The following PDGFA variants were observed in gnomAD, a reference collection of about 807,000 sequenced individuals.
PDGFA encodes platelet derived growth factor subunit A.
PDGFA carries 9 observed loss-of-function variants against 25.6 expected under a neutral mutation model. That is an observed-to-expected ratio of 0.35 (90% confidence interval 0.21 to 0.61). The LOEUF (loss-of-function observed/expected upper bound fraction) is 0.61. PDGFA is among the 20% of genes least tolerant of loss of function. The pLI, the probability that PDGFA is intolerant of heterozygous loss-of-function variation, is 0.75. For missense variants in PDGFA, 242 were observed against 272.8 expected (o/e 0.89, Z 0.79); for synonymous variants, 133 against 111.8 (o/e 1.19, Z -1.20).
rs1187937584 is a variant in PDGFA, at chr7:517,051, C to T, written c.160+343G>A. Among the ~76,000 whole-genome samples, 1 of 151,312 alleles carries T rather than the reference C, an allele frequency of 6.6e-6. No homozygotes were observed. Among genetic ancestry groups the T allele is most frequent in the Admixed American group, 6.6e-5 (1 of 15,182 alleles). On this transcript the variant is annotated intron_variant, in intron 2 of 5. Coordinates refer to ENST00000402802, the Ensembl canonical transcript of PDGFA. The surrounding 1 kb of genome is among the most constrained non-coding windows in gnomAD (Gnocchi z 7.4). ...CCGGCGCACGGGCCAGGGCTCTGCGCCCAGGGTCTGGGCCGGATCCTGCCG... is the reference window on the plus strand; with the variant it reads ...CCGGCGCACGGGCCAGGGCTCTGCGTCCAGGGTCTGGGCCGGATCCTGCCG...
rs1783254523 is a variant in PDGFA, at chr7:519,262, G to A, written c.-261C>T. 7.9e-6 allele frequency: 3 copies of A among 377,766 alleles called. 1 individual carries two copies. Among genetic ancestry groups the A allele is most frequent in the Non-Finnish European group, 1.4e-5 (3 of 210,734 alleles). 23.4% of individuals were successfully genotyped at this position (377,766 alleles called of 1,614,324 possible). On this transcript the variant is annotated 5_prime_UTR_variant, in exon 1 of 6. Transcript: ENST00000402802. ...GAGCCTCCTGGGCCGCCGGGTAGGG[G>A]GTGGGGACGGAAGGGGCGGAGGGCG... is the stretch of plus-strand genomic sequence containing the variant.
In PDGFA at chr7:517,945, C is replaced by T. The variant is rs1426106698; in HGVS notation, c.64-455G>A. On this transcript the variant is annotated intron_variant, in intron 1 of 5. Coordinates refer to ENST00000402802, the Ensembl canonical transcript of PDGFA. The surrounding 1 kb of genome is among the most constrained non-coding windows in gnomAD (Gnocchi z 7.4). Reference sequence around the variant, plus strand: ...TAATCCAGGCAGGGCTTAAATTTCACGCCCCGGAATCCCGGGCCGAACCCG... The same window carrying T: ...TAATCCAGGCAGGGCTTAAATTTCATGCCCCGGAATCCCGGGCCGAACCCG... 1.3e-5 allele frequency among the ~76,000 whole-genome samples: 2 copies of T among 152,178 alleles called. No individual in the cohort carries two copies. Among genetic ancestry groups the T allele is most frequent in the African/African-American group, 4.8e-5 (2 of 41,452 alleles).
intron 4 of PDGFA, among the ~76,000 whole-genome samples, chr7:507,863 AG>A (rs1782627752): frequency 6.6e-6 from 1 of 152,102 alleles, no homozygotes; most frequent in Non-Finnish European, 1.5e-5. Flanking sequence ...GGCCTGAGTT[AG>A]GCCCTCCCCT....
intron 4 of PDGFA, among the ~76,000 whole-genome samples, chr7:509,804 C>T (rs1782718242): frequency 6.6e-6 from 1 of 152,176 alleles, no homozygotes; most frequent in African/African-American, 2.4e-5. Context: ...ACATTTGTTG[C>T]TAATCAGCTC....
chr7:511,469 A>G (rs1374533823), intron 3 of PDGFA, among the ~76,000 whole-genome samples: 1 of 149,784 alleles, frequency 6.7e-6, no homozygotes, highest in African/African-American at 2.5e-5. Context: ...CACTTGCTGC[A>G]TGCTCTAGCC....
chr7:497,974 C>CAAAAAAAAAA (rs1441173160), exon 6 of PDGFA: 1 of 54,966 alleles, frequency 1.8e-5, no homozygotes, highest in Non-Finnish European at 3.3e-5. Context: ...AAAAAAAAAA[C>CAAAAAAAAAA]AAAACAAAAA....
At chr7:502,412 C>A (rs1018954549) in intron 4 of PDGFA, among the ~76,000 whole-genome samples, 2 of 152,144 alleles carry the variant, frequency 1.3e-5, no homozygotes, top group Non-Finnish European at 2.9e-5. Flanking sequence ...CCCCTCATGG[C>A]TCCCCCAGGT....
intron 2 of PDGFA, 198 bp from the exon 3 acceptor site, chr7:512,653 G>GGCAT: frequency 6.6e-7 from 1 of 1,514,060 alleles, no homozygotes; most frequent in Non-Finnish European, 8.8e-7. Context: ...AGAGATGCAG[G>GGCAT]GCATGAAACA....
upstream of PDGFA, chr7:520,004 G>A: frequency 2.7e-6 from 1 of 373,388 alleles, no homozygotes; most frequent in Non-Finnish European, 5.3e-6. Flanking sequence ...GGGCCCGGGC[G>A]CCGCCGCCGC....
chr7:497,779 T>A (rs1782109626), exon 6 of PDGFA: 1 of 149,988 alleles, frequency 6.7e-6, no homozygotes, highest in Non-Finnish European at 1.5e-5. Context: ...TCTCATTAGT[T>A]TGCATCTTGC....
Position 517,337 on chromosome 7 carries a change from C to T in PDGFA, c.160+57G>A, listed in dbSNP as rs1480888155. The T allele has an allele frequency of 6.3e-6, 5 of 791,218 alleles. No homozygotes were observed. The highest frequency in any genetic ancestry group is 8.5e-5 in the Admixed American group (2 of 23,610). The allele number at this position is 791,218 out of a possible 1,614,324, so 49.0% of individuals were successfully genotyped here. A position where few individuals can be genotyped will look rare whatever the true frequency, so the allele number is the denominator to read the frequency against. ...CGCCCCGCCCGGCCCCAGCTCGGGG[C>T]GCACAGGCCGCCCGCCCGCGCCCTC... On this transcript the variant is annotated intron_variant, in intron 2 of 5. Transcript: ENST00000402802. The surrounding 1 kb of genome is among the most constrained non-coding windows in gnomAD (Gnocchi z 7.4).
rs768722512 is a variant in PDGFA at position 500,878 on chromosome 7, G to T, written c.580+238C>A. 8 of 1,567,184 alleles carry T rather than the reference G, an allele frequency of 5.1e-6. No homozygotes were observed. Among genetic ancestry groups the T allele is most frequent in the African/African-American group, 2.7e-5 (2 of 74,144 alleles). On this transcript the variant is annotated intron_variant, in intron 5 of 5. Transcript: ENST00000402802. The surrounding 1 kb of genome is among the most constrained non-coding windows in gnomAD (Gnocchi z 5.0). ...CTCCCAGCCCCTCTCAGTGAGACCTGAATCTCCTCTCCTGCCAGTGCCGCA... is the reference window on the plus strand; with the variant it reads ...CTCCCAGCCCCTCTCAGTGAGACCTTAATCTCCTCTCCTGCCAGTGCCGCA...
chr7:508,154 C>A (rs1411993277), intron 4 of PDGFA, among the ~76,000 whole-genome samples: 1 of 152,118 alleles, frequency 6.6e-6, no homozygotes, highest in Non-Finnish European at 1.5e-5. Flanking sequence ...CCCGGAGAAC[C>A]TTCTCCCCGC....
intron 4 of PDGFA, among the ~76,000 whole-genome samples, chr7:508,590 T>TAAAAAAAAAAAAAACC (rs1275774675): frequency 7.6e-6 from 1 of 130,896 alleles, no homozygotes; most frequent in African/African-American, 2.9e-5. Context: ...AAAAAAAAAT[T>TAAAAAAAAAAAAAACC]CTCAGCTGAG....
chr7:499,182 T>A (rs1474847391), intron 5 of PDGFA, among the ~76,000 whole-genome samples: 1 of 152,158 alleles, frequency 6.6e-6, no homozygotes, highest in South Asian at 2.1e-4. Flanking sequence ...GGCCAGAGCC[T>A]AACGCTCTGT....
intron 4 of PDGFA, among the ~76,000 whole-genome samples, chr7:506,571 A>G (rs1051570195): frequency 2.0e-5 from 3 of 152,204 alleles, no homozygotes; most frequent in African/African-American, 7.2e-5. Context: ...CAGCACAGCA[A>G]GGTGGGCTCA....
upstream of PDGFA, chr7:520,454 A>G (rs1351115940): frequency 1.3e-5 from 2 of 153,634 alleles, no homozygotes; most frequent in East Asian, 3.9e-4. Flanking sequence ...CTGAATGAGG[A>G]CCCTCCACCC....
chr7:500,981 G>A lies in PDGFA; in HGVS notation c.580+135C>T, dbSNP rs1285128185. 4.4e-6 allele frequency: 7 copies of A among 1,599,882 alleles called. No homozygotes were observed. In the African/African-American group the frequency reaches 6.7e-5, roughly 15 times the overall value. On this transcript the variant is annotated intron_variant, in intron 5 of 5. Transcript: ENST00000402802. This position sits in a 1 kb window ranked among gnomAD's most constrained non-coding sequence, Gnocchi z 5.0. ...CGCAGGCATCTGGCCCGGGAGCAGGGCAACGAATCCTTCAACAGCAGCCCA... is the reference window on the plus strand; with the variant it reads ...CGCAGGCATCTGGCCCGGGAGCAGGACAACGAATCCTTCAACAGCAGCCCA...
exon 4 of PDGFA, chr7:510,818 G>T (rs925474833): frequency 1.9e-6 from 3 of 1,584,456 alleles, no homozygotes; most frequent in Non-Finnish European, 2.6e-6. Context: ...CCTTGACGCT[G>T]CGGTGGTGGA....
Sources: gnomAD v4.1 joint callset for allele counts (sites outside exome capture counted in the v4.1 genomes callset) on GRCh38, gnomAD v4.1.1 for gene constraint, Gnocchi (gnomAD v3.1) non-coding constraint, MANE v1.5 for transcripts, NCBI Gene and HGNC (gene_info 2026-07-23, HGNC 2026-07-21) for gene names.